The following MMS22L variants were observed in gnomAD, a reference collection of about 807,000 sequenced individuals.
MMS22L encodes the protein protein MMS22-like.
A neutral mutation model predicts 159.1 loss-of-function variants in MMS22L; 74 were observed. The observed-to-expected ratio is 0.47, with a 90% CI of 0.39 to 0.56. MMS22L has a LOEUF of 0.56. Among genes scored for constraint, MMS22L ranks in the 20% least tolerant of loss-of-function variants. The probability of loss-of-function intolerance (pLI) is 0.00; values close to 1 mark genes in which losing one functional copy is unlikely to be tolerated. For missense variants in MMS22L, 1,351 were observed against 1,422.1 expected, an observed-to-expected ratio of 0.95 and a Z score of 0.80; for synonymous variants, 517 against 506.9, an observed-to-expected ratio of 1.02 and a Z score of -0.27.
intron 14 of MMS22L, among the ~76,000 whole-genome samples, chr6:97,224,153 T>A (rs796579194): frequency 2.0e-5 from 3 of 152,240 alleles, no homozygotes; most frequent in African/African-American, 7.2e-5. Context: ...TATCACCTAC[T>A]CACACTCCAG....
chr6:97,251,288 T>G (rs1043602333), intron 10 of MMS22L, among the ~76,000 whole-genome samples: 2 of 152,168 alleles, frequency 1.3e-5, no homozygotes, highest in Non-Finnish European at 2.9e-5. Flanking sequence ...TAGGGTGATA[T>G]TTAACCACTG....
At chr6:97,230,440 G>A (rs1253108765) in intron 13 of MMS22L, 1 of 151,666 alleles carries the variant, frequency 6.6e-6, no homozygotes, top group African/African-American at 2.4e-5. Context: ...GCTTATTCAG[G>A]ACAGAAATGA....
At chr6:97,195,953 G>A (rs1342175161) in intron 14 of MMS22L, among the ~76,000 whole-genome samples, 1 of 152,140 alleles carries the variant, frequency 6.6e-6, no homozygotes, top group African/African-American at 2.4e-5. Flanking sequence ...AATTTTGGGG[G>A]AGAAAAACTG....
chr6:97,197,538 T>G (rs1265557456), intron 14 of MMS22L, among the ~76,000 whole-genome samples: 2 of 152,162 alleles, frequency 1.3e-5, no homozygotes, highest in Non-Finnish European at 2.9e-5. Flanking sequence ...TGTACATGCC[T>G]TATAAAATAT....
At chr6:97,242,619 C>T (rs547946083) in intron 11 of MMS22L, among the ~76,000 whole-genome samples, 6 of 152,132 alleles carry the variant, frequency 3.9e-5, no homozygotes, top group African/African-American at 1.4e-4. Flanking sequence ...AGGTACTATT[C>T]TATTCACTGT....
intron 3 of MMS22L, among the ~76,000 whole-genome samples, chr6:97,280,815 T>C (rs550470522): frequency 7.2e-5 from 11 of 152,272 alleles, no homozygotes; most frequent in African/African-American, 2.4e-4. Flanking sequence ...ATATTATTAT[T>C]TTGTGTATGC....
intron 9 of MMS22L, among the ~76,000 whole-genome samples, chr6:97,257,866 T>C (rs2128064460): frequency 6.6e-6 from 1 of 152,346 alleles, no homozygotes; most frequent in Non-Finnish European, 1.5e-5. Context: ...CTTTTATAAT[T>C]GATAAATATT....
At chr6:97,261,634 A>G (rs1401451039) in intron 9 of MMS22L, 2 of 152,206 alleles carry the variant, frequency 1.3e-5, no homozygotes, top group African/African-American at 4.8e-5. Flanking sequence ...AGTTACATGC[A>G]GTTTTCTGAC....
intron 9 of MMS22L, among the ~76,000 whole-genome samples, chr6:97,262,450 G>C (rs964806828): frequency 6.6e-6 from 1 of 151,978 alleles, no homozygotes; most frequent in Non-Finnish European, 1.5e-5. Context: ...TTCAAGACCA[G>C]CCTGGGCAAC....
At chr6:97,214,685 GTT>G (rs11398586) in intron 14 of MMS22L, among the ~76,000 whole-genome samples, 14 of 133,888 alleles carry the variant, frequency 1.0e-4, no homozygotes, top group African/African-American at 3.9e-4. Flanking sequence ...TATTTTTTTT[GTT>G]TTTTTTTTTT....
intron 14 of MMS22L, among the ~76,000 whole-genome samples, chr6:97,187,887 C>A (rs554966008): frequency 1.3e-4 from 20 of 152,170 alleles, no homozygotes; most frequent in African/African-American, 4.6e-4. Context: ...AACATTAGGG[C>A]CTTGAGCCCC....
intron 6 of MMS22L, chr6:97,271,505 T>G (rs1055106437): frequency 3.3e-5 from 5 of 152,204 alleles, no homozygotes; most frequent in Non-Finnish European, 7.3e-5. Context: ...CTCATGAATC[T>G]TTTTATTAAA....
chr6:97,197,172 C>T (rs1356663667), intron 14 of MMS22L, among the ~76,000 whole-genome samples: 1 of 152,120 alleles, frequency 6.6e-6, no homozygotes, highest in Non-Finnish European at 1.5e-5. Context: ...TTGGGTACAT[C>T]CTTTGGCATT....
At chr6:97,200,597 A>G (rs1807034493) in intron 14 of MMS22L, among the ~76,000 whole-genome samples, 1 of 152,124 alleles carries the variant, frequency 6.6e-6, no homozygotes, top group Non-Finnish European at 1.5e-5. Context: ...CTGCACATCA[A>G]AAAAGCTCAT....
At chr6:97,204,937 C>CTTTTTTT (rs1222516541) in intron 14 of MMS22L, among the ~76,000 whole-genome samples, 37 of 52,374 alleles carry the variant, frequency 7.1e-4, no homozygotes, top group Non-Finnish European at 1.0e-3. Context: ...TGTACAGTGT[C>CTTTTTTT]TTTTTTTTTT....
chr6:97,211,851 A>C (rs1333202897), intron 14 of MMS22L, among the ~76,000 whole-genome samples: 2 of 152,166 alleles, frequency 1.3e-5, no homozygotes. Context: ...TGTGTGAAAG[A>C]TGTCAGGAAA....
chr6:97,154,624 G>GT (rs1582372742), intron 22 of MMS22L, among the ~76,000 whole-genome samples: 1 of 152,108 alleles, frequency 6.6e-6, no homozygotes, highest in East Asian at 1.9e-4. Context: ...GTTAGTTTTC[G>GT]TATGTGGTAG....
chr6:97,155,265 T>C (rs1334606030), intron 22 of MMS22L, among the ~76,000 whole-genome samples: 1 of 152,222 alleles, frequency 6.6e-6, no homozygotes. Flanking sequence ...TCTCCTTTAC[T>C]GTTTTCTTAC....
chr6:97,160,802 T>C (rs1215515981), intron 22 of MMS22L, among the ~76,000 whole-genome samples: 1 of 152,032 alleles, frequency 6.6e-6, no homozygotes, highest in Non-Finnish European at 1.5e-5. Context: ...TTTTGTCCTC[T>C]GTGCTTTAGA....
Sources: allele counts gnomAD v4.1 joint callset (sites outside exome capture counted in the v4.1 genomes callset), GRCh38; gene constraint gnomAD v4.1.1; transcripts MANE v1.5; gene names NCBI Gene and HGNC (gene_info 2026-07-23, HGNC 2026-07-21).